Variants in IQCM observed in about 807,000 individuals in gnomAD.
The protein encoded by IQCM is IQ motif containing M.
IQCM carries 45 observed loss-of-function variants against 57.6 expected under a neutral mutation model. The ratio of observed to expected loss-of-function variants is 0.78; its 90% CI spans 0.62 to 1.00. The LOEUF (loss-of-function observed/expected upper bound fraction) is 1.00. IQCM is among the 50% of genes least tolerant of loss of function. The probability of loss-of-function intolerance (pLI) is 0.00; values close to 1 mark genes in which losing one functional copy is unlikely to be tolerated. For missense variants in IQCM, 468 were observed against 511.6 expected (o/e 0.91, Z 0.82); for synonymous variants, 148 against 158.9 (o/e 0.93, Z 0.51).
At chr4:149,710,559 A>G (rs1406505411) in intron 5 of IQCM, among the ~76,000 whole-genome samples, 2 of 152,048 alleles carry the variant, frequency 1.3e-5, no homozygotes, top group Non-Finnish European at 2.9e-5. Flanking sequence ...GCTCCCATTA[A>G]TAAATGTGGT....
chr4:149,728,255 A>G (rs541345086), intron 5 of IQCM, among the ~76,000 whole-genome samples: 1 of 152,276 alleles, frequency 6.6e-6, no homozygotes, highest in African/African-American at 2.4e-5. Flanking sequence ...AGTAATTCCT[A>G]TGCATCTTTT....
chr4:149,547,323 G>A (rs982812279), intron 12 of IQCM, among the ~76,000 whole-genome samples: 1 of 152,086 alleles, frequency 6.6e-6, no homozygotes, highest in African/African-American at 2.4e-5. Flanking sequence ...TAAAAATAAG[G>A]CAATTTTGTC....
At chr4:149,796,935 G>A (rs536269430) in intron 2 of IQCM, among the ~76,000 whole-genome samples, 2 of 152,224 alleles carry the variant, frequency 1.3e-5, no homozygotes, top group South Asian at 4.1e-4. Flanking sequence ...AGTCTTCTAA[G>A]AAGGATAAAT....
At chr4:149,373,392 T>C (rs549415556) in intron 13 of IQCM, among the ~76,000 whole-genome samples, 30 of 152,262 alleles carry the variant, frequency 2.0e-4, no homozygotes, top group Non-Finnish European at 3.5e-4. Context: ...AGACACCATA[T>C]AAGCACTTTG....
intron 12 of IQCM, among the ~76,000 whole-genome samples, chr4:149,450,733 A>G (rs983519945): frequency 3.3e-5 from 5 of 151,902 alleles, no homozygotes; most frequent in African/African-American, 1.2e-4. Context: ...AGATGTGGAG[A>G]AAAGAGAACC....
chr4:149,752,550 T>TAA (rs35458090), intron 2 of IQCM, among the ~76,000 whole-genome samples: 32,167 of 141,030 alleles, frequency 0.23, 4,244 homozygotes, highest in East Asian at 0.35. Context: ...GACTCTGTCT[T>TAA]AAAAAAAAAA....
intron 2 of IQCM, among the ~76,000 whole-genome samples, chr4:149,778,437 G>C (rs565021074): frequency 6.6e-6 from 1 of 152,004 alleles, no homozygotes; most frequent in African/African-American, 2.4e-5. Flanking sequence ...CAAAGCTAAA[G>C]CAGTAGTAAG....
chr4:149,553,169 A>G lies in IQCM; in HGVS notation c.1067T>C (p.Leu356Pro). The change falls in exon 11 of 14, where the codon CTA (leucine) becomes CCA (proline). Residue 356 changes from leucine to proline, a missense_variant. Coordinates refer to ENST00000636793, the MANE Select transcript of IQCM (RefSeq NM_001363507.2). ...RTRQILNLAE[L>P]EEWMDRKKFY... ...TTTTTTTCGGTCCATCCACTCCTCT[A>G]GCTCTGCTAAGTTGAGAATTTGTCT... The G allele has an allele frequency of 8.1e-7, 1 of 1,232,000 alleles. No homozygotes were observed. The highest frequency in any genetic ancestry group is 1.0e-6 in the Non-Finnish European group (1 of 987,872). The allele number at this position is 1,232,000 out of a possible 1,614,324, so 76.3% of individuals were successfully genotyped here.
intron 13 of IQCM, among the ~76,000 whole-genome samples, chr4:149,392,405 A>C (rs1731925676): frequency 1.3e-5 from 2 of 152,018 alleles, no homozygotes; most frequent in Admixed American, 1.3e-4. Flanking sequence ...CCGTAAACAG[A>C]ACTACCATCA....
intron 13 of IQCM, among the ~76,000 whole-genome samples, chr4:149,381,901 AGT>A (rs781116673): frequency 6.6e-5 from 10 of 151,958 alleles, no homozygotes; most frequent in Non-Finnish European, 1.5e-4. Flanking sequence ...CAGCTTCCCG[AGT>A]AGCTGGGATT....
In IQCM at chr4:149,449,180, C is replaced by T. The variant is rs377477111; in HGVS notation, c.1229-15623G>A. 7.1e-5 allele frequency among the ~76,000 whole-genome samples: 8 copies of T among 113,154 alleles called. No individual in the cohort carries two copies. The East Asian group carries it at 1.3e-3, about 18-fold the overall frequency. 74.2% of individuals were successfully genotyped at this position (113,154 alleles called of 152,430 possible). On this transcript the variant is annotated intron_variant, in intron 12 of 13. Transcript: ENST00000636793. The stretch of plus-strand genomic sequence containing the variant: ...GGCTCCACCAACTGTTCCCCCCCAA[C>T]CCGCCACCCCCCACCACAAGGACAC...
intron 12 of IQCM, among the ~76,000 whole-genome samples, chr4:149,496,136 G>A (rs1171533379): frequency 6.6e-6 from 1 of 152,102 alleles, no homozygotes; most frequent in Non-Finnish European, 1.5e-5. Context: ...ACTTGAGAGG[G>A]TGGAGGAGTA....
intron 12 of IQCM, among the ~76,000 whole-genome samples, chr4:149,444,956 TC>T: frequency 6.6e-6 from 1 of 151,952 alleles, no homozygotes; most frequent in East Asian, 1.9e-4. Context: ...CATTAAATTA[TC>T]CCCTTTCTGT....
chr4:149,367,161 T>C (rs1352097742), intron 13 of IQCM, among the ~76,000 whole-genome samples: 1 of 151,996 alleles, frequency 6.6e-6, no homozygotes, highest in Non-Finnish European at 1.5e-5. Context: ...TTGATCCACA[T>C]ATGATTTCAG....
intron 12 of IQCM, among the ~76,000 whole-genome samples, chr4:149,483,807 A>G (rs77444505): frequency 6.6e-6 from 1 of 151,876 alleles, no homozygotes; most frequent in African/African-American, 2.4e-5. Context: ...GTGCAAATCA[A>G]GTTTGAGCTT....
intron 8 of IQCM, among the ~76,000 whole-genome samples, chr4:149,600,565 G>A (rs1432062742): frequency 3.9e-5 from 6 of 152,032 alleles, no homozygotes; most frequent in Non-Finnish European, 7.4e-5. Context: ...TATTCCTTTA[G>A]AAAAGATCCA....
In IQCM at chr4:149,356,542, A is replaced by G. The variant is rs1429951135; in HGVS notation, c.1391-4476T>C. ...CTTGTTTTTCTCAGGTTTGTCAAAGATCAGATAGTTGTAGATATGCGGCAT... is the reference window on the plus strand; with the variant it reads ...CTTGTTTTTCTCAGGTTTGTCAAAGGTCAGATAGTTGTAGATATGCGGCAT... On this transcript the variant is annotated intron_variant, in intron 13 of 13. Coordinates refer to ENST00000636793, the MANE Select transcript of IQCM (RefSeq NM_001363507.2). Among the ~76,000 whole-genome samples, 4 of 152,092 alleles carry G rather than the reference A, an allele frequency of 2.6e-5. No individual in the cohort carries two copies. The East Asian group carries it at 7.7e-4, about 29-fold the overall frequency.
At chr4:149,479,778 A>AG (rs1020837645) in intron 12 of IQCM, among the ~76,000 whole-genome samples, 2 of 152,188 alleles carry the variant, frequency 1.3e-5, no homozygotes, top group Admixed American at 6.6e-5. Context: ...GTCTCCAACC[A>AG]GGGACAGCCT....
intron 12 of IQCM, among the ~76,000 whole-genome samples, chr4:149,501,723 A>G (rs1743263388): frequency 6.6e-6 from 1 of 152,168 alleles, no homozygotes; most frequent in Non-Finnish European, 1.5e-5. Flanking sequence ...ACCGGTAACT[A>G]ACTTTGGAGA....
Sources: allele counts gnomAD v4.1 joint callset (sites outside exome capture counted in the v4.1 genomes callset), GRCh38; gene constraint gnomAD v4.1.1; transcripts MANE v1.5; gene names NCBI Gene and HGNC (gene_info 2026-07-23, HGNC 2026-07-21).